The following ARHGAP25 variants were observed in gnomAD, a reference collection of about 807,000 sequenced individuals.
The protein encoded by ARHGAP25 is rho GTPase-activating protein 25.
In ARHGAP25, 34 loss-of-function variants were observed where a neutral mutation model predicts 71.0. The observed-to-expected ratio is 0.48, with a 90% CI of 0.36 to 0.64. ARHGAP25 has a LOEUF of 0.64. ARHGAP25 is among the 30% of genes least tolerant of loss of function. The pLI is 0.00. For missense variants in ARHGAP25, 706 were observed against 805.1 expected (o/e 0.88, Z 1.49); for synonymous variants, 282 against 296.5 (o/e 0.95, Z 0.50).
At chr2:68,807,625 G>T in intron 5 of ARHGAP25, 145 bp downstream of exon 5, 1 of 816,900 alleles carries the variant, frequency 1.2e-6, no homozygotes, top group South Asian at 1.8e-5. Flanking sequence ...CCTTTGTTTC[G>T]CCCATGATTG....
chr2:68,765,888 C>T (rs753146595), intron 1 of ARHGAP25, among the ~76,000 whole-genome samples: 5 of 152,152 alleles, frequency 3.3e-5, no homozygotes, highest in Non-Finnish European at 7.4e-5. Context: ...CCTGTAGAGG[C>T]CCCAGAAACT....
At chr2:68,822,273 A>G (rs1447848975) in intron 9 of ARHGAP25, 67 bp from the exon 10 acceptor site, 16 of 1,501,552 alleles carry the variant, frequency 1.1e-5, no homozygotes, top group Non-Finnish European at 1.4e-5. Context: ...TCTCTAATCC[A>G]TACCTTGGGA....
chr2:68,767,053 A>C lies in ARHGAP25; in HGVS notation c.62-8168A>C, dbSNP rs1367194599. Among the ~76,000 whole-genome samples, 1 of 152,220 alleles carries C rather than the reference A, an allele frequency of 6.6e-6. No individual in the cohort carries two copies. Among genetic ancestry groups the C allele is most frequent in the African/African-American group, 2.4e-5 (1 of 41,440 alleles). ...GTATTGAGGCAGGCATTTAGGGAACAACTTTTAGATATTTCTATGAATTCG... is the reference window on the plus strand; with the variant it reads ...GTATTGAGGCAGGCATTTAGGGAACCACTTTTAGATATTTCTATGAATTCG... On this transcript the variant is annotated intron_variant, in intron 1 of 10. Coordinates refer to ENST00000409202, the MANE Select transcript of ARHGAP25 (RefSeq NM_001007231.3). The surrounding 1 kb of genome is among the most constrained non-coding windows in gnomAD (Gnocchi z 4.6).
chr2:68,813,182 T>G, intron 5 of ARHGAP25, 105 bp from the exon 6 acceptor site: 1 of 1,342,944 alleles, frequency 7.4e-7, no homozygotes, highest in Non-Finnish European at 9.9e-7. Flanking sequence ...AAATTTCCCT[T>G]TGTAATTTAT....
intron 2 of ARHGAP25, among the ~76,000 whole-genome samples, chr2:68,776,880 T>C (rs990081936): frequency 1.5e-5 from 2 of 132,790 alleles, no homozygotes; most frequent in African/African-American, 2.8e-5. Flanking sequence ...GGGACCAAAA[T>C]GAAAAGCTCA....
chr2:68,729,362 A>G (rs1674954546), intron 2 of ARHGAP25, among the ~76,000 whole-genome samples: 1 of 152,190 alleles, frequency 6.6e-6, no homozygotes, highest in Non-Finnish European at 1.5e-5. Flanking sequence ...ATGAAAGACA[A>G]GGAAGTGACA....
intron 4 of ARHGAP25, among the ~76,000 whole-genome samples, chr2:68,797,610 G>A (rs775584280): frequency 1.3e-5 from 2 of 152,168 alleles, no homozygotes; most frequent in Admixed American, 1.3e-4. Flanking sequence ...GGCCGCAAGG[G>A]TTCATCCCCC....
intron 5 of ARHGAP25, among the ~76,000 whole-genome samples, chr2:68,810,153 A>G (rs1680679493): frequency 6.6e-6 from 1 of 150,382 alleles, no homozygotes; most frequent in African/African-American, 2.4e-5. Flanking sequence ...AAAAAGAATC[A>G]TTTAAGGGTG....
chr2:68,759,657 G>A (rs1053755662), intron 1 of ARHGAP25, among the ~76,000 whole-genome samples: 1 of 151,936 alleles, frequency 6.6e-6, no homozygotes, highest in African/African-American at 2.4e-5. Flanking sequence ...TCTACCAAAC[G>A]TCTAAAGAAG....
At chr2:68,770,953 C>T (rs1677447697) in intron 1 of ARHGAP25, among the ~76,000 whole-genome samples, 1 of 152,144 alleles carries the variant, frequency 6.6e-6, no homozygotes, top group Non-Finnish European at 1.5e-5. Flanking sequence ...AAGTGCTGAC[C>T]AGCAGAACTT....
intron 4 of ARHGAP25, among the ~76,000 whole-genome samples, chr2:68,791,941 G>C (rs1031809010): frequency 6.6e-6 from 1 of 152,074 alleles, no homozygotes; most frequent in Non-Finnish European, 1.5e-5. Context: ...CCTTCTCTAA[G>C]GGCTTGTGAC....
intron 1 of ARHGAP25, among the ~76,000 whole-genome samples, chr2:68,759,312 T>C (rs1431717789): frequency 6.8e-6 from 1 of 148,132 alleles, no homozygotes; most frequent in Non-Finnish European, 1.5e-5. Flanking sequence ...TTCAAAAAGG[T>C]CGACAAAATT....
At chr2:68,784,807 CA>C (rs774497715) in intron 3 of ARHGAP25, among the ~76,000 whole-genome samples, 2 of 152,260 alleles carry the variant, frequency 1.3e-5, no homozygotes, top group South Asian at 4.1e-4. Context: ...AGCAGCAAAC[CA>C]AATATATGGG....
chr2:68,739,873 T>A (rs191216205), intron 1 of ARHGAP25, among the ~76,000 whole-genome samples: 2 of 152,276 alleles, frequency 1.3e-5, no homozygotes, highest in Admixed American at 1.3e-4. Context: ...TTTTTCTCTT[T>A]GAAAGCTTGT....
At chr2:68,729,627 A>G (rs1294853769) in intron 2 of ARHGAP25, among the ~76,000 whole-genome samples, 1 of 152,244 alleles carries the variant, frequency 6.6e-6, no homozygotes, top group Non-Finnish European at 1.5e-5. Flanking sequence ...AATAAAAGCA[A>G]TGATAATGCC....
At position 68,826,168 on chromosome 2, in the gene ARHGAP25, A is replaced by G; in HGVS notation, c.1915A>G (p.Met639Val). 1.2e-6 allele frequency: 2 copies of G among 1,614,220 alleles called. No homozygotes were observed. Among genetic ancestry groups the G allele is most frequent in the Non-Finnish European group, 1.7e-6 (2 of 1,180,026 alleles). The change falls in exon 11 of 11, where the codon ATG becomes GTG. Residue 639 changes from methionine (M) to valine (V), a missense_variant. Met to Val is a conservative substitution (Grantham distance 21, BLOSUM62 1). Coordinates refer to ENST00000409202, the MANE Select transcript of ARHGAP25 (RefSeq NM_001007231.3). The part of the protein sequence containing the change: ...EEEVKEFVKS[M>V]KEPKTEA ...AGAAGTCAAGGAATTTGTCAAATCC[A>G]TGAAGGAACCCAAGACCGAGGCTTA...
At chr2:68,790,773 G>T (rs1056324804) in intron 4 of ARHGAP25, among the ~76,000 whole-genome samples, 2 of 152,156 alleles carry the variant, frequency 1.3e-5, no homozygotes, top group African/African-American at 4.8e-5. Context: ...CGACAGAGCG[G>T]CCAGAGTGAG....
chr2:68,802,511 A>G (rs1036687867), intron 4 of ARHGAP25, among the ~76,000 whole-genome samples: 5 of 151,824 alleles, frequency 3.3e-5, no homozygotes, highest in Non-Finnish European at 7.4e-5. Context: ...GGGTTAGTTA[A>G]GTGCAGGTAC....
chr2:68,790,323 C>T (rs890645031), intron 4 of ARHGAP25, among the ~76,000 whole-genome samples: 4 of 152,126 alleles, frequency 2.6e-5, no homozygotes, highest in Non-Finnish European at 5.9e-5. Context: ...TCATAGATCC[C>T]GGAATGTGAG....
Sources: gnomAD v4.1 joint callset for allele counts (sites outside exome capture counted in the v4.1 genomes callset) on GRCh38, gnomAD v4.1.1 for gene constraint, Gnocchi (gnomAD v3.1) non-coding constraint, MANE v1.5 for transcripts, NCBI Gene and HGNC (gene_info 2026-07-23, HGNC 2026-07-21) for gene names.